Variants in ISOC2 observed in about 807,000 individuals in gnomAD.
The protein encoded by ISOC2 is isochorismatase domain-containing protein 2.
In ISOC2, 15 loss-of-function variants were observed where a neutral mutation model predicts 19.3. That is an observed-to-expected ratio of 0.78 (90% CI 0.52 to 1.20). The LOEUF is 1.20. ISOC2 is among the 50% of genes most tolerant of loss of function. The pLI is 0.00. For missense variants in ISOC2, 285 were observed against 272.4 expected (o/e 1.05, Z -0.33); for synonymous variants, 106 against 115.8 (o/e 0.92, Z 0.54).
chr19:55,458,044 G>A (rs1429808908), intron 1 of ISOC2, among the ~76,000 whole-genome samples: 4 of 139,830 alleles, frequency 2.9e-5, no homozygotes, highest in African/African-American at 1.1e-4. Context: ...TATGTTAAGT[G>A]CATTTTACCA....
intron 5 of ISOC2, 125 bp from the exon 6 acceptor site, chr19:55,453,513 A>G: frequency 1.7e-6 from 1 of 601,274 alleles, no homozygotes; most frequent in Non-Finnish European, 2.8e-6. Flanking sequence ...GCCCAAGACA[A>G]CACTCCCTCT....
Position 55,456,552 on chromosome 19 carries a change from C to T in ISOC2, c.-3-63G>A, listed in dbSNP as rs140968635. 58 of 1,583,962 alleles carry T rather than the reference C, an allele frequency of 3.7e-5. No individual in the cohort carries two copies. In the East Asian group the frequency reaches 5.4e-4, roughly 15 times the overall value. On this transcript the variant is annotated intron_variant, in intron 1 of 5. Coordinates refer to ENST00000425675, the MANE Select transcript of ISOC2 (RefSeq NM_001136201.2). ...GGCTCCTCTCAGTGTCTCCAGCTGG[C>T]GTCCAGGTCCTCACACTCAGAGCCT... is the stretch of plus-strand genomic sequence containing the variant.
chr19:55,461,338 C>T (rs1402379383), intron 1 of ISOC2, among the ~76,000 whole-genome samples, 174 bp downstream of exon 1: 1 of 152,124 alleles, frequency 6.6e-6, no homozygotes, highest in Non-Finnish European at 1.5e-5. Context: ...AGGCGGCAGG[C>T]GCGACCCGGG....
chr19:55,455,792 G>T lies in ISOC2; in HGVS notation c.192C>A (p.Gly64=). The T allele has an allele frequency of 6.4e-7, 1 of 1,564,436 alleles. No homozygotes were observed. The stretch of plus-strand genomic sequence containing the variant: ...CCAGCTCGGGCACCGTGGGGCCCAG[G>T]CCTTGTGGGTACTGCTCCGTCAGCA... ...PVMLTEQYPQ[G]LGPTVPELGT... The change falls in exon 3 of 6, where the codon GGC becomes GGA. Residue 64 remains glycine (G), a synonymous_variant. Coordinates refer to ENST00000425675, the MANE Select transcript of ISOC2 (RefSeq NM_001136201.2).
At chr19:55,453,469 C>A in intron 5 of ISOC2, 81 bp from the exon 6 acceptor site, 1 of 977,056 alleles carries the variant, frequency 1.0e-6, no homozygotes. Flanking sequence ...GACACCTCTC[C>A]GTCTTCATCT....
chr19:55,454,819 T>C, intron 5 of ISOC2, 170 bp downstream of exon 5: 1 of 644,802 alleles, frequency 1.6e-6, no homozygotes, highest in Non-Finnish European at 2.8e-6. Context: ...GGTCCATCTG[T>C]GGGCTCCTTT....
intron 5 of ISOC2, 42 bp downstream of exon 5, chr19:55,454,947 T>C: frequency 7.1e-7 from 1 of 1,411,654 alleles, no homozygotes; most frequent in Non-Finnish European, 1.0e-6. Context: ...ACAAGACCTT[T>C]GACAGATGCA....
chr19:55,453,459 G>A, intron 5 of ISOC2, 71 bp from the exon 6 acceptor site: 1 of 1,082,398 alleles, frequency 9.2e-7, no homozygotes, highest in Non-Finnish European at 1.3e-6. Context: ...AAATCTGAGG[G>A]ACACCTCTCC....
Position 55,453,151 on chromosome 19 carries a change from C to G in ISOC2, c.*157G>C, listed in dbSNP as rs1299661384. 5 of 529,056 alleles carry G rather than the reference C, an allele frequency of 9.5e-6. No individual in the cohort carries two copies. The highest frequency in any genetic ancestry group is 1.3e-5 in the Non-Finnish European group (4 of 297,270). 32.8% of individuals were successfully genotyped at this position (529,056 alleles called of 1,614,324 possible). A position where few individuals can be genotyped will look rare whatever the true frequency, so the allele number is the denominator to read the frequency against. Reference sequence around the variant, plus strand: ...GGAGTCTCATTTGCATTTCCGGGAGCAGCTGTCCAATGGGAAGGCAGCACC... The same window carrying G: ...GGAGTCTCATTTGCATTTCCGGGAGGAGCTGTCCAATGGGAAGGCAGCACC... On this transcript the variant is annotated 3_prime_UTR_variant, in exon 6 of 6. Transcript: ENST00000425675.
chr19:55,453,340 G>C lies in ISOC2; in HGVS notation c.586C>G (p.Leu196Val), dbSNP rs1425808456. ...EPAPDSGLLGLFQGQNSLLH is the reference protein window; with the variant it reads ...EPAPDSGLLGVFQGQNSLLH The stretch of plus-strand genomic sequence containing the variant: ...AGGAGGGAGTTCTGGCCTTGGAAGA[G>C]GCCCAGCAGTCCGCTGTCTGGGGCG... Residue 196 changes from leucine to valine, a missense_variant, in exon 6 of 6, where the codon CTC (leucine) becomes GTC (valine). Transcript: ENST00000425675. 6.2e-7 allele frequency: 1 copy of C among 1,608,418 alleles called. No individual in the cohort carries two copies. The highest frequency in any genetic ancestry group is 1.1e-5 in the South Asian group (1 of 89,980).
chr19:55,455,153 C>T, intron 4 of ISOC2, 47 bp from the exon 5 acceptor site: 1 of 1,590,188 alleles, frequency 6.3e-7, no homozygotes, highest in Non-Finnish European at 8.6e-7. Context: ...ACGCCGCAGT[C>T]TGGACACCCA....
At chr19:55,460,347 T>C (rs1003400031) in intron 1 of ISOC2, among the ~76,000 whole-genome samples, 1 of 152,226 alleles carries the variant, frequency 6.6e-6, no homozygotes, top group Non-Finnish European at 1.5e-5. Context: ...GTGTCTGTGT[T>C]GCCTATATCT....
At chr19:55,456,070 G>C in intron 2 of ISOC2, 1 of 590,134 alleles carries the variant, frequency 1.7e-6, no homozygotes. Context: ...GGAAGAGGAA[G>C]TGGGCCTGGA....
Position 55,453,341 on chromosome 19 carries a change from G to T in ISOC2, c.585C>A (p.Gly195=). Residue 195 remains glycine (G), a synonymous_variant, in exon 6 of 6, where the codon GGC becomes GGA. Coordinates refer to ENST00000425675, the MANE Select transcript of ISOC2 (RefSeq NM_001136201.2). ...KEPAPDSGLL[G]LFQGQNSLLH Reference sequence around the variant, plus strand: ...GGAGGGAGTTCTGGCCTTGGAAGAGGCCCAGCAGTCCGCTGTCTGGGGCGG... The same window carrying T: ...GGAGGGAGTTCTGGCCTTGGAAGAGTCCCAGCAGTCCGCTGTCTGGGGCGG... The T allele has an allele frequency of 1.2e-6, 2 of 1,608,274 alleles. No individual in the cohort carries two copies. The highest frequency in any genetic ancestry group is 1.7e-6 in the Non-Finnish European group (2 of 1,177,598).
Position 55,454,971 on chromosome 19 carries a change from C to A in ISOC2, c.537+18G>T. ...TTGACAGATGCAGGGGAGGTGGGGG[C>A]GGCCAGGCGGGCATTACCTCCTTGA... On this transcript the variant is annotated intron_variant, in intron 5 of 5. Coordinates refer to ENST00000425675, the MANE Select transcript of ISOC2 (RefSeq NM_001136201.2). 6.4e-7 allele frequency: 1 copy of A among 1,556,238 alleles called. No homozygotes were observed. The highest frequency in any genetic ancestry group is 8.9e-7 in the Non-Finnish European group (1 of 1,127,994).
chr19:55,460,422 G>A (rs558530349), intron 1 of ISOC2, among the ~76,000 whole-genome samples: 2 of 152,332 alleles, frequency 1.3e-5, no homozygotes, highest in East Asian at 1.9e-4. Context: ...CAGGCACCGG[G>A]GAAGTCTGTA....
intron 1 of ISOC2, among the ~76,000 whole-genome samples, chr19:55,460,689 TATAA>T (rs1986207527): frequency 6.6e-6 from 1 of 152,274 alleles, no homozygotes; most frequent in Non-Finnish European, 1.5e-5. Flanking sequence ...GTGCTCCCTT[TATAA>T]ATATTTATTT....
intron 1 of ISOC2, among the ~76,000 whole-genome samples, chr19:55,458,264 G>A (rs534929432): frequency 1.3e-5 from 2 of 152,036 alleles, no homozygotes; most frequent in Non-Finnish European, 2.9e-5. Flanking sequence ...ACACCGCAGG[G>A]GCCCTGAATC....
rs980743166 is a variant in ISOC2 at position 55,453,111 on chromosome 19, C to A, written c.*197G>T. The A allele has an allele frequency of 3.9e-6, 2 of 514,244 alleles. No individual in the cohort carries two copies. Among genetic ancestry groups the A allele is most frequent in the Non-Finnish European group, 6.9e-6 (2 of 289,548 alleles). The allele number at this position is 514,244 out of a possible 1,614,324, so 31.9% of individuals were successfully genotyped here. On this transcript the variant is annotated 3_prime_UTR_variant, in exon 6 of 6. Transcript: ENST00000425675. ...CGCCTCCATCTTGGCTCAGCCAATT[C>A]CCACCCAGTTTCCAGGAGTCTCATT... is the stretch of plus-strand genomic sequence containing the variant.
Sources: allele counts gnomAD v4.1 joint callset (sites outside exome capture counted in the v4.1 genomes callset), GRCh38; gene constraint gnomAD v4.1.1; transcripts MANE v1.5; gene names NCBI Gene and HGNC (gene_info 2026-07-23, HGNC 2026-07-21).